Variants in TTC39B observed in about 807,000 individuals in gnomAD.
The protein encoded by TTC39B is tetratricopeptide repeat domain 39B, also known as tetratricopeptide repeat protein 39B.
In TTC39B, 92 loss-of-function variants were observed where a neutral mutation model predicts 96.6. The observed-to-expected ratio is 0.95, with a 90% CI of 0.80 to 1.13. The LOEUF (loss-of-function observed/expected upper bound fraction) is 1.13, where lower values mean the gene tolerates loss of function less well. Among genes scored for constraint, TTC39B ranks in the 50% most tolerant of loss-of-function variants. The pLI, the probability that TTC39B is intolerant of heterozygous loss-of-function variation, is 0.00. For synonymous variants in TTC39B, 367 were observed against 299.4 expected, an observed-to-expected ratio of 1.23 and a Z score of -2.33; for missense variants, 955 against 809.3, an observed-to-expected ratio of 1.18 and a Z score of -2.18.
intron 5 of TTC39B, 85 bp from the exon 6 acceptor site, chr9:15,210,249 C>G: frequency 1.2e-6 from 1 of 860,870 alleles, no homozygotes; most frequent in African/African-American, 1.7e-5. Flanking sequence ...TCATTTCAGT[C>G]ACTATCACAC....
At chr9:15,304,729 C>T (rs1232062677) in intron 1 of TTC39B, among the ~76,000 whole-genome samples, 2 of 151,522 alleles carry the variant, frequency 1.3e-5, no homozygotes, top group African/African-American at 4.9e-5. Context: ...GCTAATCCAG[C>T]CCCTCCTTCT....
At chr9:15,201,142 A>T (rs1819514851) in intron 7 of TTC39B, among the ~76,000 whole-genome samples, 1 of 152,220 alleles carries the variant, frequency 6.6e-6, no homozygotes, top group African/African-American at 2.4e-5. Context: ...TCTAATTATT[A>T]TAAGAATCAA....
intron 1 of TTC39B, among the ~76,000 whole-genome samples, chr9:15,271,406 G>C (rs1222568438): frequency 6.6e-6 from 1 of 152,198 alleles, no homozygotes; most frequent in Non-Finnish European, 1.5e-5. Flanking sequence ...CCAGGGACTG[G>C]TTTCATGGGA....
exon 16 of TTC39B, chr9:15,185,290 A>G: frequency 6.2e-7 from 1 of 1,612,914 alleles, no homozygotes; most frequent in East Asian, 2.2e-5. Context: ...CAGGGCAGGT[A>G]AGATGAGCTT....
chr9:15,288,426 G>C (rs1054854074), intron 1 of TTC39B, among the ~76,000 whole-genome samples: 2 of 152,186 alleles, frequency 1.3e-5, no homozygotes, highest in African/African-American at 4.8e-5. Context: ...ACAGCAAAGA[G>C]AAGAGAAGGA....
chr9:15,233,170 C>G (rs1442320468), intron 2 of TTC39B, among the ~76,000 whole-genome samples: 1 of 152,088 alleles, frequency 6.6e-6, no homozygotes, highest in Non-Finnish European at 1.5e-5. Flanking sequence ...GCTTCAGGAC[C>G]TTTTCTAGCC....
chr9:15,211,451 T>C (rs1820195804), intron 4 of TTC39B, 54 bp from the exon 5 acceptor site: 4 of 1,380,658 alleles, frequency 2.9e-6, no homozygotes, highest in Non-Finnish European at 3.8e-6. Context: ...ATACTGATCA[T>C]AAGAAATCCT....
chr9:15,296,534 G>A (rs1824382465), intron 1 of TTC39B, among the ~76,000 whole-genome samples: 1 of 151,826 alleles, frequency 6.6e-6, no homozygotes, highest in Admixed American at 6.6e-5. Context: ...CACTCTTTTT[G>A]CCTAGGCTGG....
chr9:15,214,056 T>C, intron 4 of TTC39B, 83 bp downstream of exon 4: 1 of 1,066,492 alleles, frequency 9.4e-7, no homozygotes, highest in Non-Finnish European at 1.4e-6. Flanking sequence ...TGGGAACAGC[T>C]AAATTAATTT....
At chr9:15,235,275 T>A (rs1455246894) in intron 2 of TTC39B, among the ~76,000 whole-genome samples, 1 of 152,036 alleles carries the variant, frequency 6.6e-6, no homozygotes, top group Non-Finnish European at 1.5e-5. Context: ...AAAAAAGAAT[T>A]TTTAAAAATG....
intron 2 of TTC39B, among the ~76,000 whole-genome samples, chr9:15,260,288 T>A (rs1319211763): frequency 2.6e-5 from 4 of 151,806 alleles, no homozygotes; most frequent in African/African-American, 9.7e-5. Context: ...TTTTTTTTTT[T>A]TTCCTTCCTT....
chr9:15,305,487 T>C (rs927229011), intron 1 of TTC39B, among the ~76,000 whole-genome samples: 11 of 152,174 alleles, frequency 7.2e-5, no homozygotes, highest in Admixed American at 2.0e-4. Flanking sequence ...AGAAGCCTAA[T>C]AGTTAATGAA....
exon 1 of TTC39B, chr9:15,307,179 C>T: frequency 1.3e-6 from 2 of 1,587,764 alleles, no homozygotes; most frequent in Non-Finnish European, 1.7e-6. Flanking sequence ...TCAGAGCCGA[C>T]TCCTGCTCTC....
intron 1 of TTC39B, among the ~76,000 whole-genome samples, chr9:15,305,811 T>C (rs1740588581): frequency 6.6e-6 from 1 of 151,498 alleles, no homozygotes; most frequent in Admixed American, 6.6e-5. Flanking sequence ...TAGCACCGCC[T>C]CAACAATGCC....
intron 13 of TTC39B, among the ~76,000 whole-genome samples, chr9:15,189,088 T>C (rs17227372): frequency 0.25 from 38,417 of 152,144 alleles, 5,392 homozygotes; most frequent in Middle Eastern, 0.34. Context: ...ATCCCATTTG[T>C]GTGGAAAAAA....
chr9:15,205,608 T>G (rs1476716014), intron 6 of TTC39B, among the ~76,000 whole-genome samples: 1 of 152,132 alleles, frequency 6.6e-6, no homozygotes, highest in African/African-American at 2.4e-5. Flanking sequence ...TCAGAACACC[T>G]CTCCTCAAAG....
At chr9:15,178,964 T>C (rs1818104527) in intron 17 of TTC39B, among the ~76,000 whole-genome samples, 2 of 152,210 alleles carry the variant, frequency 1.3e-5, no homozygotes, top group Non-Finnish European at 2.9e-5. Flanking sequence ...AACTATGCCA[T>C]AAGATTTAAC....
At chr9:15,251,668 T>TAC (rs397839174) in intron 2 of TTC39B, among the ~76,000 whole-genome samples, 17,193 of 116,034 alleles carry the variant, frequency 0.15, 1,639 homozygotes, top group Admixed American at 0.27. Context: ...TATACGCGCA[T>TAC]ACACACACAC....
chr9:15,276,464 G>A (rs1823547671), intron 1 of TTC39B, among the ~76,000 whole-genome samples: 1 of 152,212 alleles, frequency 6.6e-6, no homozygotes, highest in African/African-American at 2.4e-5. Flanking sequence ...CATGGAGCCA[G>A]TGCCCATCAA....
Sources: allele counts gnomAD v4.1 joint callset (sites outside exome capture counted in the v4.1 genomes callset), GRCh38; gene constraint gnomAD v4.1.1; transcripts MANE v1.5; gene names NCBI Gene and HGNC (gene_info 2026-07-23, HGNC 2026-07-21).